ZFYVE28: variants seen among roughly 807,000 people sequenced by gnomAD.
ZFYVE28 encodes zinc finger FYVE-type containing 28, also known as lateral signaling target protein 2 homolog.
A neutral mutation model predicts 82.1 loss-of-function variants in ZFYVE28; 40 were observed. The observed-to-expected ratio is 0.49, with a 90% CI of 0.38 to 0.63. The LOEUF is 0.63. Ranked by LOEUF, ZFYVE28 falls within the 30% of genes least tolerant of loss-of-function variation. The probability of loss-of-function intolerance (pLI) is 0.00; values close to 1 mark genes in which losing one functional copy is unlikely to be tolerated. For missense variants in ZFYVE28, 1,321 were observed against 1,242.1 expected (o/e 1.06, Z -0.96); for synonymous variants, 612 against 546.1 (o/e 1.12, Z -1.68).
In ZFYVE28 at chr4:2,398,042, G is replaced by GC. The variant is rs1159469783; in HGVS notation, c.39+20242_39+20243insG. On this transcript the variant is annotated intron_variant, in intron 1 of 12. Coordinates refer to ENST00000290974, the MANE Select transcript of ZFYVE28 (RefSeq NM_020972.3). ...TGGGGGCAGGTGAGATGGGAGGGGGGGTCCTGGCAGACGTCCACATGGAGA... is the reference window on the plus strand; with the variant it reads ...TGGGGGCAGGTGAGATGGGAGGGGGGCGTCCTGGCAGACGTCCACATGGAGA... Among the ~76,000 whole-genome samples, 230 of 150,744 alleles carry GC rather than the reference G, an allele frequency of 1.5e-3. 2 individuals carry two copies. The highest frequency in any genetic ancestry group is 2.6e-3 in the Non-Finnish European group (176 of 67,578).
At chr4:2,410,061 A>T (rs914179971) in intron 1 of ZFYVE28, among the ~76,000 whole-genome samples, 3 of 152,164 alleles carry the variant, frequency 2.0e-5, no homozygotes, top group African/African-American at 7.2e-5. Flanking sequence ...TTTTCCCTTG[A>T]TTATCTGTTA....
chr4:2,373,977 G>A (rs1258115655), intron 1 of ZFYVE28, among the ~76,000 whole-genome samples: 1 of 152,114 alleles, frequency 6.6e-6, no homozygotes, highest in Non-Finnish European at 1.5e-5. Flanking sequence ...CCCTGGCTCT[G>A]CCTTTGCTAC....
At chr4:2,390,124 C>T (rs1729677266) in intron 1 of ZFYVE28, among the ~76,000 whole-genome samples, 2 of 152,176 alleles carry the variant, frequency 1.3e-5, no homozygotes, top group Non-Finnish European at 1.5e-5. Flanking sequence ...CAATGACAAG[C>T]GTCCTTCATA....
At chr4:2,321,489 G>T (rs73797720) in intron 6 of ZFYVE28, among the ~76,000 whole-genome samples, 11 of 152,248 alleles carry the variant, frequency 7.2e-5, no homozygotes, top group Non-Finnish European at 1.5e-4. Flanking sequence ...CTGGGCAGGG[G>T]GCTGTGTCTT....
At chr4:2,298,151 G>C (rs982448311) in intron 8 of ZFYVE28, among the ~76,000 whole-genome samples, 4 of 149,930 alleles carry the variant, frequency 2.7e-5, no homozygotes, top group African/African-American at 9.9e-5. Context: ...AGGAATGGCA[G>C]AGGACGAGCG....
chr4:2,305,852 TA>T (rs1325883434), intron 7 of ZFYVE28, among the ~76,000 whole-genome samples: 4 of 152,158 alleles, frequency 2.6e-5, no homozygotes, highest in Admixed American at 2.6e-4. Flanking sequence ...GCTGCATGAA[TA>T]AAAACTCTAA....
rs1211067037 is a variant in ZFYVE28, at chr4:2,409,289, T to C, written c.39+8996A>G. 7.3e-6 allele frequency among the ~76,000 whole-genome samples: 1 copy of C among 137,052 alleles called. No homozygotes were observed. Among genetic ancestry groups the C allele is most frequent in the Non-Finnish European group, 1.5e-5 (1 of 65,204 alleles). 89.9% of individuals were successfully genotyped at this position (137,052 alleles called of 152,430 possible). On this transcript the variant is annotated intron_variant, in intron 1 of 12. Coordinates refer to ENST00000290974, the MANE Select transcript of ZFYVE28 (RefSeq NM_020972.3). The surrounding 1 kb of genome is among the most constrained non-coding windows in gnomAD (Gnocchi z 4.4). ...TCTACTTTCTCCATCCAGAGTCGCCTGCTGCCATCCTCTCGCTGGAATCCC... is the reference window on the plus strand; with the variant it reads ...TCTACTTTCTCCATCCAGAGTCGCCCGCTGCCATCCTCTCGCTGGAATCCC...
intron 1 of ZFYVE28, among the ~76,000 whole-genome samples, chr4:2,366,920 C>T (rs1199462529): frequency 6.6e-6 from 1 of 152,234 alleles, no homozygotes; most frequent in East Asian, 1.9e-4. Context: ...ATTTGTTCTG[C>T]AAGCCAAGCC....
chr4:2,369,796 C>T (rs1212989206), intron 1 of ZFYVE28, among the ~76,000 whole-genome samples: 5 of 151,648 alleles, frequency 3.3e-5, no homozygotes, highest in African/African-American at 1.2e-4. Flanking sequence ...CACACCACGA[C>T]CTCAGACTTC....
At chr4:2,354,114 C>T in intron 1 of ZFYVE28, 41 bp from the exon 2 acceptor site, 2 of 1,451,340 alleles carry the variant, frequency 1.4e-6, no homozygotes, top group Non-Finnish European at 1.8e-6. Flanking sequence ...GGGTGGGGAA[C>T]TGGAGGGGAT....
chr4:2,299,288 C>T (rs1025725022), intron 8 of ZFYVE28, among the ~76,000 whole-genome samples: 9 of 152,054 alleles, frequency 5.9e-5, no homozygotes, highest in African/African-American at 1.9e-4. Flanking sequence ...TCAGGAACAG[C>T]GAAGGGTACT....
rs1407221075 is a variant in ZFYVE28, at chr4:2,409,172, A to G, written c.39+9113T>C. ...CCCCTACTTCTGCACCCCCATCTCC[A>G]CCCTCCACCTCGCAGCTCCTCTCCT... On this transcript the variant is annotated intron_variant, in intron 1 of 12. Transcript: ENST00000290974. This position sits in a 1 kb window ranked among gnomAD's most constrained non-coding sequence, Gnocchi z 4.4. 8.2e-6 allele frequency among the ~76,000 whole-genome samples: 1 copy of G among 122,516 alleles called. No homozygotes were observed. The highest frequency in any genetic ancestry group is 1.7e-5 in the Non-Finnish European group (1 of 58,426). 80.4% of individuals were successfully genotyped at this position (122,516 alleles called of 152,430 possible).
chr4:2,338,304 T>C (rs1722181290), intron 4 of ZFYVE28, among the ~76,000 whole-genome samples: 1 of 152,100 alleles, frequency 6.6e-6, no homozygotes, highest in South Asian at 2.1e-4. Flanking sequence ...CCACCAACTC[T>C]AGGCCAGGTG....
At chr4:2,279,817 C>G (rs1317676624) in intron 8 of ZFYVE28, among the ~76,000 whole-genome samples, 1 of 151,904 alleles carries the variant, frequency 6.6e-6, no homozygotes, top group Non-Finnish European at 1.5e-5. Context: ...TGATTGATTC[C>G]ATTCACATGA....
Position 2,412,432 on chromosome 4 carries a change from C to G in ZFYVE28, c.39+5853G>C, listed in dbSNP as rs550651507. 2.2e-4 allele frequency among the ~76,000 whole-genome samples: 34 copies of G among 152,236 alleles called. No individual in the cohort carries two copies. In the South Asian group the frequency reaches 6.8e-3, roughly 31 times the overall value. ...AGATGATCTCCTCACATGCTCCCAACAATTCCAGAAGGCAGGTCTCAGCAT... is the reference window on the plus strand; with the variant it reads ...AGATGATCTCCTCACATGCTCCCAAGAATTCCAGAAGGCAGGTCTCAGCAT... On this transcript the variant is annotated intron_variant, in intron 1 of 12. Transcript: ENST00000290974.
Position 2,370,886 on chromosome 4 carries a change from G to A in ZFYVE28, c.40-16813C>T, listed in dbSNP as rs964502259. ...ACCCAACCCTGCCACGTCCATGTGG[G>A]TCACGTGTGTCTCGGATCTTCCTGT... On this transcript the variant is annotated intron_variant, in intron 1 of 12. Transcript: ENST00000290974. Among the ~76,000 whole-genome samples, 5 of 152,352 alleles carry A rather than the reference G, an allele frequency of 3.3e-5. No individual in the cohort carries two copies. In the East Asian group the frequency reaches 9.7e-4, roughly 29 times the overall value.
chr4:2,304,447 G>T lies in ZFYVE28; in HGVS notation c.1893C>A (p.Ser631=). ...CTGAGGTGTGAGGCAGGCACTTGTC[G>T]GAAGTGGGGGCTTTGGGCTCCCGCC... ...SNGREPKAPT[S]DKCLPHTSGS... is the part of the protein sequence containing the mutation. Residue 631 remains serine, a synonymous_variant, in exon 8 of 13, where the codon TCC becomes TCA. Transcript: ENST00000290974. The T allele has an allele frequency of 6.2e-7, 1 of 1,613,644 alleles. No homozygotes were observed. Among genetic ancestry groups the T allele is most frequent in the Non-Finnish European group, 8.5e-7 (1 of 1,179,972 alleles).
chr4:2,369,841 T>TTA (rs1461182598), intron 1 of ZFYVE28, among the ~76,000 whole-genome samples: 1 of 136,010 alleles, frequency 7.4e-6, no homozygotes. Flanking sequence ...GGATTTTTTT[T>TTA]TTTCTTTTCT....
chr4:2,325,844 C>T (rs184808332), intron 6 of ZFYVE28, among the ~76,000 whole-genome samples: 8 of 152,108 alleles, frequency 5.3e-5, no homozygotes, highest in Non-Finnish European at 8.8e-5. Flanking sequence ...CCTCTTGCCT[C>T]GGCATCCCAA....
Sources: gnomAD v4.1 joint callset for allele counts (sites outside exome capture counted in the v4.1 genomes callset) on GRCh38, gnomAD v4.1.1 for gene constraint, Gnocchi (gnomAD v3.1) non-coding constraint, MANE v1.5 for transcripts, NCBI Gene and HGNC (gene_info 2026-07-23, HGNC 2026-07-21) for gene names.